MYO19: variants seen among roughly 807,000 people sequenced by gnomAD.
The protein encoded by MYO19 is myosin XIX.
Under a neutral mutation model 129.2 loss-of-function variants are expected in MYO19, and 132 were observed. The observed-to-expected ratio is 1.02, with a 90% CI of 0.89 to 1.18. The LOEUF (loss-of-function observed/expected upper bound fraction) is 1.18, where lower values mean the gene tolerates loss of function less well. Ranked by LOEUF, MYO19 falls within the 50% of genes most tolerant of loss-of-function variation. MYO19 has a pLI of 0.00. For missense variants in MYO19, 1,210 were observed against 1,216.7 expected (o/e 0.99, Z 0.08); for synonymous variants, 531 against 477.2 (o/e 1.11, Z -1.47).
chr17:36,526,334 T>C (rs897929541), intron 5 of MYO19, among the ~76,000 whole-genome samples: 3 of 152,092 alleles, frequency 2.0e-5, no homozygotes, highest in Non-Finnish European at 4.4e-5. Context: ...CAACCCTGGC[T>C]TTCTCGTCTT....
intron 13 of MYO19, chr17:36,509,343 G>A (rs1255217700): frequency 1.7e-6 from 1 of 601,072 alleles, no homozygotes; most frequent in Non-Finnish European, 3.0e-6. Context: ...ATGTTGCCAG[G>A]TACACACAAA....
chr17:36,506,887 A>C (rs2071936316), intron 17 of MYO19, 76 bp downstream of exon 17: 2 of 1,427,540 alleles, frequency 1.4e-6, no homozygotes, highest in Admixed American at 5.6e-5. Flanking sequence ...TCACGATGGG[A>C]AACTACTATG....
rs750807521 is a variant in MYO19 at position 36,525,320 on chromosome 17, T to C, written c.322A>G (p.Thr108Ala). 2.3e-5 allele frequency: 37 copies of C among 1,613,278 alleles called. No individual in the cohort carries two copies. The highest frequency in any genetic ancestry group is 3.1e-5 in the Non-Finnish European group (36 of 1,179,492). ...TTCCTGTAGGTCTGTTCACCCACAG[T>C]GAACACATGGGGCTTCAGTTTCTGG... ...QPQKLKPHVF[T>A]VGEQTYRNVK... Residue 108 changes from threonine (T) to alanine (A), a missense_variant, in exon 6 of 26, where the codon ACT (threonine) becomes GCT (alanine). Thr to Ala is a moderately conservative substitution (Grantham distance 58). Transcript: ENST00000614623.
At chr17:36,497,596 T>A in intron 25 of MYO19, 1 of 978,010 alleles carries the variant, frequency 1.0e-6, no homozygotes, top group Non-Finnish European at 1.2e-6. Flanking sequence ...AAACTTTTTT[T>A]TTTTTTTAGA....
chr17:36,517,796 T>C (rs2072854055), intron 6 of MYO19, among the ~76,000 whole-genome samples: 1 of 151,960 alleles, frequency 6.6e-6, no homozygotes, highest in Admixed American at 6.6e-5. Flanking sequence ...TAAGATTAAA[T>C]AAGGTAATGA....
At position 36,501,176 on chromosome 17, in the gene MYO19, T is replaced by A; in HGVS notation, c.2140A>T (p.Thr714Ser). ...GCTGCCTGAGTTAGGACCGGCAGAG[T>A]GTGGAGAATGTCCTGGATGAGAGGT... ...LEPLIQDILH[T>S]LPVLTQAAAI... is the part of the protein sequence containing the mutation. The change falls in exon 22 of 26, where the codon ACT (threonine) becomes TCT (serine). Residue 714 changes from threonine (T) to serine (S), a missense_variant. Thr to Ser is a moderately conservative substitution (Grantham distance 58). Coordinates refer to ENST00000614623, the MANE Select transcript of MYO19 (RefSeq NM_001163735.2). 3 of 1,613,736 alleles carry A rather than the reference T, an allele frequency of 1.9e-6. No homozygotes were observed. In the South Asian group the frequency reaches 3.3e-5, roughly 18 times the overall value.
intron 21 of MYO19, chr17:36,502,846 A>ATAC: frequency 1.8e-6 from 1 of 558,710 alleles, no homozygotes; most frequent in Non-Finnish European, 3.2e-6. Flanking sequence ...TTATTCTCAG[A>ATAC]TACTACCTCT....
At position 36,498,540 on chromosome 17, in the gene MYO19, G is replaced by A; in HGVS notation, c.2483C>T (p.Ala828Val). 6.2e-7 allele frequency: 1 copy of A among 1,612,292 alleles called. No homozygotes were observed. Among genetic ancestry groups the A allele is most frequent in the Admixed American group, 1.7e-5 (1 of 59,990 alleles). ...QKWRIRMACL[A>V]AKELDGVEEK... ...TTCCACACCATCCAGCTCTTTAGCAGCAAGGCAGGCCATTCTGATCTTAAA... is the reference window on the plus strand; with the variant it reads ...TTCCACACCATCCAGCTCTTTAGCAACAAGGCAGGCCATTCTGATCTTAAA... The change falls in exon 25 of 26, where the codon GCT (alanine) becomes GTT (valine). Residue 828 changes from alanine (A) to valine (V), a missense_variant. By Grantham distance (64) the Ala-to-Val change is moderately conservative (BLOSUM62 0). Coordinates refer to ENST00000614623, the MANE Select transcript of MYO19 (RefSeq NM_001163735.2).
At chr17:36,537,468 T>C (rs1437179220), upstream of MYO19, 2 of 1,614,214 alleles carry the variant, frequency 1.2e-6, no homozygotes, top group South Asian at 1.1e-5. Context: ...CAGTCTAGAA[T>C]CAGAATACAA....
chr17:36,504,102 T>TA (rs1376754334), intron 19 of MYO19, 82 bp from the exon 20 acceptor site: 2 of 1,194,688 alleles, frequency 1.7e-6, no homozygotes, highest in Non-Finnish European at 1.1e-6. Context: ...CCCTTCTTCT[T>TA]AGACCCTGGC....
chr17:36,514,099 C>G (rs1366423725), intron 9 of MYO19, among the ~76,000 whole-genome samples: 2 of 152,166 alleles, frequency 1.3e-5, no homozygotes, highest in Non-Finnish European at 2.9e-5. Context: ...GGAAAAGGCA[C>G]AACTCTAGGG....
rs780707807 is a variant in MYO19, at chr17:36,496,333, C to A, written c.2831G>T (p.Ser944Ile). The change falls in exon 26 of 26, where the codon AGC becomes ATC. Residue 944 changes from serine (S) to isoleucine (I), a missense_variant. Physicochemically the swap from Ser to Ile is moderately radical, Grantham distance 142 (BLOSUM62 -2). Coordinates refer to ENST00000614623, the MANE Select transcript of MYO19 (RefSeq NM_001163735.2). The stretch of plus-strand genomic sequence containing the variant: ...CAGAATCTGATTAAAGCCTGTAATG[C>A]TGTAGGGTGAAGGTTCAGGGCAGAT... ...ADICPEPSPYSITGFNQILLE... is the reference protein window; with the variant it reads ...ADICPEPSPYIITGFNQILLE... The A allele has an allele frequency of 2.5e-5, 40 of 1,613,828 alleles. No homozygotes were observed. The Admixed American group carries it at 6.7e-4, about 27-fold the overall frequency.
chr17:36,527,687 A>G lies in MYO19; in HGVS notation c.164T>C (p.Leu55Pro), dbSNP rs752921838. Residue 55 changes from leucine to proline, a missense_variant, in exon 5 of 26, where the codon CTG becomes CCG. By Grantham distance (98) the Leu-to-Pro change is moderately conservative. Transcript: ENST00000614623. ...TGTGTCTGCCATGTACCGGGCCTGC[A>G]GGCACCTCAGGACTGAGGCAGAGAT... ...PVTLETVLRC[L>P]QARYMADTFY... is the part of the protein sequence containing the mutation. The G allele has an allele frequency of 5.5e-5, 89 of 1,613,010 alleles. No homozygotes were observed. The highest frequency in any genetic ancestry group is 7.3e-5 in the Non-Finnish European group (86 of 1,179,472).
chr17:36,518,548 ATATATG>A (rs1251646106), intron 6 of MYO19, among the ~76,000 whole-genome samples: 4,970 of 108,060 alleles, frequency 0.046, 304 homozygotes, highest in Non-Finnish European at 0.064. Context: ...ATATATATAT[ATATATG>A]TGTATGTGTA....
chr17:36,496,492 G>T, intron 25 of MYO19, 86 bp from the exon 26 acceptor site: 1 of 1,330,688 alleles, frequency 7.5e-7, no homozygotes, highest in Non-Finnish European at 1.1e-6. Flanking sequence ...CGCTAAAAAT[G>T]CAAGAAGGTA....
rs374370723 is a variant in MYO19 at position 36,500,913 on chromosome 17, G to A, written c.2294C>T (p.Ala765Val). The A allele has an allele frequency of 1.9e-6, 3 of 1,609,792 alleles. No individual in the cohort carries two copies. Among genetic ancestry groups the A allele is most frequent in the Admixed American group, 3.3e-5 (2 of 59,780 alleles). The part of the protein sequence containing the change: ...CGRARVLEQC[A>V]RCIQGGWRRH... ...CCTCCAGCCACCCTGGATGCAGCGG[G>A]CACACTGCTCCAGCACCCGGGCACG... Residue 765 changes from alanine (A) to valine (V), a missense_variant, in exon 23 of 26, where the codon GCC (alanine) becomes GTC (valine). Transcript: ENST00000614623.
intron 3 of MYO19, among the ~76,000 whole-genome samples, chr17:36,530,338 G>A (rs1373629704): frequency 1.3e-5 from 2 of 151,962 alleles, no homozygotes; most frequent in East Asian, 1.9e-4. Context: ...TCTGTAAAAT[G>A]GGATAATGGT....
At position 36,527,637 on chromosome 17, in the gene MYO19, G is replaced by C. The variant is rs779692900; in HGVS notation, c.214C>G (p.Leu72Val). 1 of 1,613,978 alleles carries C rather than the reference G, an allele frequency of 6.2e-7. No homozygotes were observed. Among genetic ancestry groups the C allele is most frequent in the East Asian group, 2.2e-5 (1 of 44,882 alleles). The stretch of plus-strand genomic sequence containing the variant: ...GGCTTGAAGGGGTTCAAGGCTACCA[G>C]GGTGCAGCCAGCATTGGTGTAGAAT... ...DTFYTNAGCT[L>V]VALNPFKPVP... The change falls in exon 5 of 26, where the codon CTG (leucine) becomes GTG (valine). Residue 72 changes from leucine (L) to valine (V), a missense_variant. Leu to Val is a conservative substitution (Grantham distance 32). Coordinates refer to ENST00000614623, the MANE Select transcript of MYO19 (RefSeq NM_001163735.2).
chr17:36,525,475 G>A (rs1240230962), intron 5 of MYO19, 134 bp from the exon 6 acceptor site: 2 of 671,774 alleles, frequency 3.0e-6, no homozygotes, highest in Non-Finnish European at 5.3e-6. Context: ...TTTTCTGGAT[G>A]TCACATTGTT....
Sources: gnomAD v4.1 joint callset for allele counts (sites outside exome capture counted in the v4.1 genomes callset) on GRCh38, gnomAD v4.1.1 for gene constraint, MANE v1.5 for transcripts, NCBI Gene and HGNC (gene_info 2026-07-23, HGNC 2026-07-21) for gene names.